ZC3H12B: variants seen among roughly 807,000 people sequenced by gnomAD.
ZC3H12B encodes the protein probable ribonuclease ZC3H12B.
ZC3H12B carries 7 observed loss-of-function variants against 43.9 expected under a neutral mutation model. The ratio of observed to expected loss-of-function variants is 0.16; its 90% CI spans 0.09 to 0.30. The LOEUF is 0.30. Ranked by LOEUF, ZC3H12B falls within the 10% of genes least tolerant of loss-of-function variation. ZC3H12B has a pLI of 1.00. For missense variants in ZC3H12B, 475 were observed against 670.2 expected (o/e 0.71, Z 3.22); for synonymous variants, 222 against 241.7 (o/e 0.92, Z 0.76).
At chrX:65,074,406 GT>G in the ZC3H12B span, among the ~76,000 whole-genome samples, 1 of 110,593 alleles carries the variant, frequency 9.0e-6, no homozygotes, top group Admixed American at 9.6e-5. Flanking sequence ...TTTTCTCTTT[GT>G]TTTTGACATT....
the ZC3H12B span, among the ~76,000 whole-genome samples, chrX:65,194,845 C>G: frequency 8.9e-6 from 1 of 112,019 alleles, no homozygotes. Flanking sequence ...TATCTGGGTA[C>G]TCCAGTGTTG....
At chrX:65,367,330 G>A (rs889853712) in intron 1 of ZC3H12B, among the ~76,000 whole-genome samples, 2 of 111,063 alleles carry the variant, frequency 1.8e-5, no homozygotes, top group Non-Finnish European at 3.8e-5. Flanking sequence ...GTGCTTCATG[G>A]GAACAGATTT....
chrX:65,209,798 A>T, the ZC3H12B span, among the ~76,000 whole-genome samples: 554 of 101,520 alleles, frequency 5.5e-3, 1 homozygote, highest in Non-Finnish European at 8.6e-3. Context: ...GACAAACCTG[A>T]GAAAAACAAG....
chrX:65,314,001 T>G, the ZC3H12B span, among the ~76,000 whole-genome samples: 1 of 111,978 alleles, frequency 8.9e-6, no homozygotes, highest in East Asian at 2.8e-4. Context: ...TCTTAGAATT[T>G]AAGAAATACA....
At chrX:65,307,183 G>A in the ZC3H12B span, among the ~76,000 whole-genome samples, 4 of 112,129 alleles carry the variant, frequency 3.6e-5, no homozygotes, top group South Asian at 1.5e-3. Context: ...CTTAGTAAAG[G>A]TGTTTAGAGT....
chrX:65,296,978 A>G, the ZC3H12B span, among the ~76,000 whole-genome samples: 1 of 111,909 alleles, frequency 8.9e-6, no homozygotes, highest in African/African-American at 3.2e-5. Context: ...CTCAGCAATG[A>G]CATCATATAA....
the ZC3H12B span, among the ~76,000 whole-genome samples, chrX:65,274,850 C>T: frequency 2.7e-5 from 3 of 111,814 alleles, no homozygotes; most frequent in Non-Finnish European, 5.6e-5. Flanking sequence ...ATCCAATAAC[C>T]TATGTCCTGG....
At chrX:65,270,396 G>C in the ZC3H12B span, among the ~76,000 whole-genome samples, 1 of 111,606 alleles carries the variant, frequency 9.0e-6, no homozygotes, top group African/African-American at 3.3e-5. Context: ...ATGGATAAAA[G>C]ACCTAAATGT....
the ZC3H12B span, among the ~76,000 whole-genome samples, chrX:65,283,611 G>A: frequency 8.0e-5 from 9 of 112,128 alleles, no homozygotes; most frequent in South Asian, 3.4e-3. Flanking sequence ...AAGCTGATAA[G>A]CGACTTCAGC....
the ZC3H12B span, among the ~76,000 whole-genome samples, chrX:65,049,594 T>C: frequency 9.0e-6 from 1 of 111,574 alleles, no homozygotes; most frequent in Non-Finnish European, 1.9e-5. Flanking sequence ...TGTTTTAAAA[T>C]CTTGGAGTGT....
the ZC3H12B span, among the ~76,000 whole-genome samples, chrX:65,115,514 A>C: frequency 5.4e-5 from 6 of 111,428 alleles, no homozygotes; most frequent in Non-Finnish European, 1.1e-4. Flanking sequence ...TGCTATAAAC[A>C]TGCATGTGCA....
the ZC3H12B span, among the ~76,000 whole-genome samples, chrX:65,047,703 C>T: frequency 7.2e-5 from 8 of 110,706 alleles, no homozygotes; most frequent in South Asian, 3.0e-3. Context: ...TCAAAAAATT[C>T]ATATTTCAAT....
At chrX:65,150,086 A>C in the ZC3H12B span, among the ~76,000 whole-genome samples, 1 of 110,336 alleles carries the variant, frequency 9.1e-6, no homozygotes, top group Non-Finnish European at 1.9e-5. Flanking sequence ...ACTCCACTAC[A>C]TCTAATTAGT....
At chrX:65,117,756 A>T in the ZC3H12B span, among the ~76,000 whole-genome samples, 3 of 111,730 alleles carry the variant, frequency 2.7e-5, no homozygotes, top group Non-Finnish European at 5.6e-5. Context: ...TAAGGAAGGG[A>T]TCCATTTTCA....
At chrX:65,129,472 G>T in the ZC3H12B span, among the ~76,000 whole-genome samples, 1 of 109,460 alleles carries the variant, frequency 9.1e-6, no homozygotes, top group Admixed American at 9.9e-5. Flanking sequence ...ACAGTCAAAG[G>T]GGTTGTTCTC....
chrX:65,057,782 G>C, the ZC3H12B span, among the ~76,000 whole-genome samples: 12 of 111,393 alleles, frequency 1.1e-4, no homozygotes, highest in Non-Finnish European at 1.9e-4. Flanking sequence ...TTGTTCATTT[G>C]TTTTTATTCT....
intron 3 of ZC3H12B, among the ~76,000 whole-genome samples, chrX:65,437,352 ATGT>A (rs1385753135): frequency 8.0e-5 from 9 of 111,916 alleles, no homozygotes; most frequent in African/African-American, 2.9e-4. Context: ...ATCTCCATGA[ATGT>A]AACTGTTTTA....
the ZC3H12B span, among the ~76,000 whole-genome samples, chrX:65,219,821 C>T: frequency 3.7e-5 from 4 of 107,505 alleles, no homozygotes; most frequent in East Asian, 8.9e-4. Context: ...CACACACACA[C>T]ACACACACAC....
the ZC3H12B span, among the ~76,000 whole-genome samples, chrX:65,324,541 AT>A: frequency 2.7e-5 from 3 of 110,256 alleles, no homozygotes; most frequent in Admixed American, 1.9e-4. Flanking sequence ...TTTCCTTTTA[AT>A]TTTTTTTATT....
Sources: allele counts gnomAD v4.1 joint callset (sites outside exome capture counted in the v4.1 genomes callset), GRCh38; gene constraint gnomAD v4.1.1; transcripts MANE v1.5; gene names NCBI Gene and HGNC (gene_info 2026-07-23, HGNC 2026-07-21).